The following CNOT3 variants were observed in gnomAD, a reference collection of about 807,000 sequenced individuals.
The protein encoded by CNOT3 is CCR4-associated factor 3.
Under a neutral mutation model 89.4 loss-of-function variants are expected in CNOT3, and 2 were observed. The ratio of observed to expected loss-of-function variants is 0.02; its 90% CI spans 0.01 to 0.07. The LOEUF (loss-of-function observed/expected upper bound fraction) is 0.07, where lower values mean the gene tolerates loss of function less well. Ranked by LOEUF, CNOT3 falls within the 10% of genes least tolerant of loss-of-function variation. CNOT3 has a pLI of 1.00. For synonymous variants in CNOT3, 486 were observed against 402.0 expected, an observed-to-expected ratio of 1.21 and a Z score of -2.50; for missense variants, 664 against 1,010.2, an observed-to-expected ratio of 0.66 and a Z score of 4.65.
Position 54,146,053 on chromosome 19 carries a change from C to T in CNOT3, c.837+10C>T. ...AGCCAACTGTACCACGGTGAGGCCC[C>T]ACGGGACACTAGTACCTTGTGTTTC... On this transcript the variant is annotated intron_variant, in intron 9 of 17. Transcript: ENST00000221232. 6.2e-7 allele frequency: 1 copy of T among 1,612,386 alleles called. No homozygotes were observed.
At chr19:54,153,452 C>G (rs763445787) in intron 16 of CNOT3, 7 of 774,588 alleles carry the variant, frequency 9.0e-6, no homozygotes, top group African/African-American at 8.5e-5. Context: ...AAATTGCCTC[C>G]TCTCTCAGCT....
chr19:54,146,123 T>G, intron 9 of CNOT3, 80 bp downstream of exon 9: 1 of 1,526,198 alleles, frequency 6.6e-7, no homozygotes, highest in South Asian at 1.2e-5. Flanking sequence ...CACTCCAAAG[T>G]GGCTATGGGA....
Position 54,144,371 on chromosome 19 carries a change from G to C in CNOT3, c.483+39G>C. On this transcript the variant is annotated intron_variant, in intron 7 of 17. Transcript: ENST00000221232. This position sits in a 1 kb window ranked among gnomAD's most constrained non-coding sequence, Gnocchi z 4.8. ...ACCCGACACCTTTGGGATGGGGATGGGCATGGGAATGGGCTGGCCAGCAGG... is the reference window on the plus strand; with the variant it reads ...ACCCGACACCTTTGGGATGGGGATGCGCATGGGAATGGGCTGGCCAGCAGG... 6.6e-7 allele frequency: 1 copy of C among 1,511,590 alleles called. No individual in the cohort carries two copies. The highest frequency in any genetic ancestry group is 9.2e-7 in the Non-Finnish European group (1 of 1,088,154). The allele number at this position is 1,511,590 out of a possible 1,614,324, so 93.6% of individuals were successfully genotyped here. A position where few individuals can be genotyped will look rare whatever the true frequency, so the allele number is the denominator to read the frequency against.
chr19:54,143,093 T>G, intron 2 of CNOT3, 26 bp from the exon 3 acceptor site: 2 of 1,613,650 alleles, frequency 1.2e-6, no homozygotes, highest in Non-Finnish European at 1.7e-6. Flanking sequence ...GGCAGGATTC[T>G]CACAGCCTTG....
chr19:54,152,504 G>A lies in CNOT3; in HGVS notation c.1782G>A (p.Pro594=), dbSNP rs776931029. 1.2e-5 allele frequency: 20 copies of A among 1,614,046 alleles called. No homozygotes were observed. The highest frequency in any genetic ancestry group is 5.3e-5 in the African/African-American group (4 of 74,930). The part of the protein sequence containing the change: ...PPLQLSEVNI[P]LSLGVCPLGP... ...TGCAGCTGTCAGAGGTGAACATACC[G>A]CTGTCGCTGGGTGTCTGTCCACTGG... Residue 594 remains proline, a synonymous_variant, in exon 15 of 18, where the codon CCG becomes CCA. Coordinates refer to ENST00000221232, the MANE Select transcript of CNOT3 (RefSeq NM_014516.4).
rs2074553259 is a variant in CNOT3, at chr19:54,143,866, T to C, written c.258+117T>C. On this transcript the variant is annotated intron_variant, in intron 5 of 17. Transcript: ENST00000221232. ...AGGTCCTCAAGAGAAGTAAGGTTTC[T>C]GCACCTAAGGGAAGTGAAGAGGCAG... The C allele has an allele frequency of 7.5e-6, 11 of 1,467,996 alleles. No individual in the cohort carries two copies. The Admixed American group carries it at 1.9e-4, about 25-fold the overall frequency. The allele number at this position is 1,467,996 out of a possible 1,614,324, so 90.9% of individuals were successfully genotyped here.
chr19:54,151,042 T>C (rs36660), intron 13 of CNOT3, among the ~76,000 whole-genome samples: 118,381 of 151,972 alleles, frequency 0.78, 46,517 homozygotes, highest in African/African-American at 0.89. Context: ...CCACCCACCT[T>C]GACCTCCCAA....
At chr19:54,152,719 G>A in intron 15 of CNOT3, 93 bp downstream of exon 15, 1 of 1,158,496 alleles carries the variant, frequency 8.6e-7, no homozygotes, top group Non-Finnish European at 1.3e-6. Context: ...AGAGCACCAG[G>A]CCCCTGACTT....
intron 17 of CNOT3, chr19:54,154,206 T>C (rs1040080271): frequency 2.3e-6 from 1 of 430,604 alleles, no homozygotes; most frequent in South Asian, 1.9e-5. Flanking sequence ...CCGAGGGACC[T>C]TGATGGCCCC....
Position 54,153,718 on chromosome 19 carries a change from A to G in CNOT3, c.2041A>G (p.Thr681Ala). ...CTCTCCACTGTTCCTCCCCCAGGGC[A>G]CTAAGGCACAGTATCTGGCAGCCAA... ...LFFIFYYLEG[T>A]KAQYLAAKAL... Residue 681 changes from threonine to alanine, a missense_variant, in exon 17 of 18, where the codon ACT becomes GCT. Thr to Ala is a moderately conservative substitution (Grantham distance 58). Around this residue, in one of 8 missense-constraint regions of CNOT3, gnomAD observed 15 missense variants for 32.7 expected, o/e 0.46. Coordinates refer to ENST00000221232, the MANE Select transcript of CNOT3 (RefSeq NM_014516.4). 6.2e-7 allele frequency: 1 copy of G among 1,613,718 alleles called. No individual in the cohort carries two copies. The highest frequency in any genetic ancestry group is 8.5e-7 in the Non-Finnish European group (1 of 1,179,734).
intron 17 of CNOT3, chr19:54,154,293 A>T (rs967306547): frequency 3.0e-6 from 1 of 330,226 alleles, no homozygotes; most frequent in Non-Finnish European, 6.1e-6. Context: ...TGGGCTTCTC[A>T]AGTTCTAATA....
intron 1 of CNOT3, among the ~76,000 whole-genome samples, chr19:54,139,072 G>A (rs1418579044): frequency 1.3e-5 from 2 of 152,192 alleles, no homozygotes; most frequent in South Asian, 4.1e-4. Context: ...AAGCCGCCAC[G>A]CTGTCCATGT....
intron 16 of CNOT3, chr19:54,153,400 C>A: frequency 2.6e-6 from 2 of 769,708 alleles, no homozygotes; most frequent in Non-Finnish European, 4.8e-6. Context: ...CCCAGTGAGT[C>A]ATGAGTGACC....
intron 15 of CNOT3, 81 bp downstream of exon 15, chr19:54,152,707 G>T: frequency 8.0e-7 from 1 of 1,250,120 alleles, no homozygotes; most frequent in Non-Finnish European, 1.2e-6. Flanking sequence ...GAGGCTGTGG[G>T]TAGAGCACCA....
At chr19:54,138,462 T>C (rs1168677869) in intron 1 of CNOT3, among the ~76,000 whole-genome samples, 1 of 151,870 alleles carries the variant, frequency 6.6e-6, no homozygotes. Flanking sequence ...CTTCGCGTTG[T>C]GGGGCAGCCT....
intron 17 of CNOT3, chr19:54,154,368 G>A: frequency 3.9e-6 from 1 of 254,266 alleles, no homozygotes; most frequent in African/African-American, 2.2e-5. Flanking sequence ...GCCCAGTCCA[G>A]CTGGGCGACT....
At chr19:54,146,744 G>C in intron 10 of CNOT3, 87 bp downstream of exon 10, 1 of 807,326 alleles carries the variant, frequency 1.2e-6, no homozygotes. Context: ...GCCGGCCACT[G>C]TGCTGGGCTG....
At chr19:54,139,250 A>T (rs587673116) in intron 1 of CNOT3, among the ~76,000 whole-genome samples, 1 of 151,978 alleles carries the variant, frequency 6.6e-6, no homozygotes, top group Non-Finnish European at 1.5e-5. Flanking sequence ...GGCTTCTTCC[A>T]TCTTCACACC....
chr19:54,140,935 G>C (rs1388132195), intron 1 of CNOT3, among the ~76,000 whole-genome samples: 21 of 152,296 alleles, frequency 1.4e-4, no homozygotes, highest in Admixed American at 1.3e-3. Context: ...TTGTTTAGGG[G>C]TGTAGACCAT....
Sources: allele counts gnomAD v4.1 joint callset (sites outside exome capture counted in the v4.1 genomes callset), GRCh38; gene constraint gnomAD v4.1.1; regional missense constraint gnomAD v4.1.1; non-coding constraint Gnocchi (gnomAD v3.1); transcripts MANE v1.5; gene names NCBI Gene and HGNC (gene_info 2026-07-23, HGNC 2026-07-21).